The following CARMIL3 variants were observed in gnomAD, a reference collection of about 807,000 sequenced individuals.
The protein encoded by CARMIL3 is capping protein, Arp2/3 and myosin-I linker protein 3.
In CARMIL3, 88 loss-of-function variants were observed where a neutral mutation model predicts 180.8. The ratio of observed to expected loss-of-function variants is 0.49; its 90% CI spans 0.41 to 0.58. CARMIL3 has a LOEUF of 0.58. CARMIL3 is among the 20% of genes least tolerant of loss of function. The pLI, the probability that CARMIL3 is intolerant of heterozygous loss-of-function variation, is 0.00. For missense variants in CARMIL3, 1,548 were observed against 1,787.0 expected, an observed-to-expected ratio of 0.87 and a Z score of 2.41; for synonymous variants, 696 against 714.5, an observed-to-expected ratio of 0.97 and a Z score of 0.41.
intron 39 of CARMIL3, 50 bp downstream of exon 39, chr14:24,069,297 A>G (rs764326749): frequency 2.2e-5 from 35 of 1,612,606 alleles, no homozygotes; most frequent in Non-Finnish European, 2.8e-5. Flanking sequence ...TCTGTCCAAC[A>G]TGACACCCCC....
rs755786621 is a variant in CARMIL3, at chr14:24,053,877, G to A, written c.135+74G>A. ...GCTGGCCAGTAGAGGGCAGGGAGCC[G>A]GGAGGACAGAAGAGACAGAAGTGGG... On this transcript the variant is annotated intron_variant, in intron 2 of 39. Transcript: ENST00000342740. 1.0e-4 allele frequency: 144 copies of A among 1,372,018 alleles called. 1 individual carries two copies. Among genetic ancestry groups the A allele is most frequent in the Middle Eastern group, 2.1e-4 (1 of 4,666 alleles). 85.0% of individuals were successfully genotyped at this position (1,372,018 alleles called of 1,614,324 possible).
chr14:24,060,027 C>T lies in CARMIL3; in HGVS notation c.1926C>T (p.Arg642=). 6.2e-7 allele frequency: 1 copy of T among 1,614,028 alleles called. No homozygotes were observed. Residue 642 remains arginine (R), a synonymous_variant, in exon 23 of 40, where the codon CGC becomes CGT. Coordinates refer to ENST00000342740, the MANE Select transcript of CARMIL3 (RefSeq NM_138360.4). ...TGAGCGACATCTCCCAAGCCTATCGCAGCGCGCCTGAGCGCACCGAGGACG... is the reference window on the plus strand; with the variant it reads ...TGAGCGACATCTCCCAAGCCTATCGTAGCGCGCCTGAGCGCACCGAGGACG... ...FPVSDISQAY[R]SAPERTEDVW...
In CARMIL3 at chr14:24,054,057, A is replaced by G; in HGVS notation, c.136-31A>G. On this transcript the variant is annotated intron_variant, in intron 2 of 39. Transcript: ENST00000342740. The surrounding 1 kb of genome is among the most constrained non-coding windows in gnomAD (Gnocchi z 5.1). ...GGGCCACCAAGGCCCAGCAGCTGCC[A>G]TGAGCTGCCGATTTTTTCCTCTCTC... The G allele has an allele frequency of 6.2e-7, 1 of 1,611,928 alleles. No individual in the cohort carries two copies. The highest frequency in any genetic ancestry group is 8.5e-7 in the Non-Finnish European group (1 of 1,179,352).
In CARMIL3 at chr14:24,063,110, A is replaced by T; in HGVS notation, c.2707-10A>T. On this transcript the variant is annotated splice_polypyrimidine_tract_variant and intron_variant, in intron 29 of 39. Coordinates refer to ENST00000342740, the MANE Select transcript of CARMIL3 (RefSeq NM_138360.4). ...GTGCCTGGCCCTGCCACTCGTCTTC[A>T]TTTCTGCAGGACACCATGGCCATCA... 1 of 1,610,348 alleles carries T rather than the reference A, an allele frequency of 6.2e-7. No individual in the cohort carries two copies.
Position 24,062,811 on chromosome 14 carries a change from G to A in CARMIL3, c.2671G>A (p.Glu891Lys), listed in dbSNP as rs753701847. ...GGGCCGAGGCCGGAACCATGACCAT[G>A]AGGAGACCACAGATGATGAACTTGG... ...SRGRGRNHDHEETTDDELGTN... is the reference protein window; with the variant it reads ...SRGRGRNHDHKETTDDELGTN... Residue 891 changes from glutamate (E) to lysine (K), a missense_variant, in exon 29 of 40, where the codon GAG (glutamate) becomes AAG (lysine). Transcript: ENST00000342740. The A allele has an allele frequency of 3.1e-6, 5 of 1,613,198 alleles. No homozygotes were observed. Among genetic ancestry groups the A allele is most frequent in the East Asian group, 2.2e-5 (1 of 44,878 alleles).
Position 24,069,362 on chromosome 14 carries a change from G to A in CARMIL3, c.4094-17G>A, listed in dbSNP as rs767471159. The A allele has an allele frequency of 3.1e-6, 5 of 1,614,140 alleles. No individual in the cohort carries two copies. Among genetic ancestry groups the A allele is most frequent in the South Asian group, 1.1e-5 (1 of 91,082 alleles). ...CCCTGCCCAGGAAACAGGGCTCCCT[G>A]GATTTGTCCCCAGCAGGAACCAGTG... is the stretch of plus-strand genomic sequence containing the variant. On this transcript the variant is annotated splice_polypyrimidine_tract_variant and intron_variant, in intron 39 of 39. Coordinates refer to ENST00000342740, the MANE Select transcript of CARMIL3 (RefSeq NM_138360.4).
chr14:24,055,024 T>A (rs1209719113), intron 6 of CARMIL3, 42 bp from the exon 7 acceptor site: 2 of 1,603,462 alleles, frequency 1.2e-6, no homozygotes, highest in Non-Finnish European at 1.7e-6. Context: ...CTATTCCCCA[T>A]CTCCTTACCC....
At position 24,069,229 on chromosome 14, in the gene CARMIL3, C is replaced by T. The variant is rs139310553; in HGVS notation, c.4075C>T (p.Arg1359Trp). ...SCDKLEPDRRRPPDPTGTSEP... is the reference protein window; with the variant it reads ...SCDKLEPDRRWPPDPTGTSEP... ...TGACAAGCTGGAACCTGATAGAAGA[C>T]GGCCTCCTGACCCCACAGGTGCTGG... The change falls in exon 39 of 40, where the codon CGG becomes TGG. Residue 1359 changes from arginine (R) to tryptophan (W), a missense_variant. Coordinates refer to ENST00000342740, the MANE Select transcript of CARMIL3 (RefSeq NM_138360.4). 2.1e-4 allele frequency: 341 copies of T among 1,614,068 alleles called. 1 individual carries two copies. The highest frequency in any genetic ancestry group is 6.6e-4 in the Middle Eastern group (4 of 6,060).
chr14:24,066,443 C>T lies in CARMIL3; in HGVS notation c.3571C>T (p.Arg1191Trp), dbSNP rs756011079. 15 of 1,614,104 alleles carry T rather than the reference C, an allele frequency of 9.3e-6. No individual in the cohort carries two copies. The highest frequency in any genetic ancestry group is 4.5e-5 in the East Asian group (2 of 44,904). The change falls in exon 35 of 40, where the codon CGG becomes TGG. Residue 1191 changes from arginine (R) to tryptophan (W), a missense_variant. Physicochemically the swap from Arg to Trp is moderately radical, Grantham distance 101. Around this residue, in one of 4 missense-constraint regions of CARMIL3, gnomAD observed 668 missense variants for 687.8 expected, o/e 0.97. Coordinates refer to ENST00000342740, the MANE Select transcript of CARMIL3 (RefSeq NM_138360.4). Reference protein sequence around the residue: ...QEGSTQAWQKRRSSDDAGPGS... With the variant: ...QEGSTQAWQKWRSSDDAGPGS... Reference sequence around the variant, plus strand: ...GGGCAGCACCCAGGCCTGGCAGAAACGGCGCTCTTCAGACGACGCAGGTAA... The same window carrying T: ...GGGCAGCACCCAGGCCTGGCAGAAATGGCGCTCTTCAGACGACGCAGGTAA...
chr14:24,056,590 T>C, intron 11 of CARMIL3, 32 bp from the exon 12 acceptor site: 1 of 1,607,456 alleles, frequency 6.2e-7, no homozygotes. Flanking sequence ...GCCCTGCCCC[T>C]CACTGGGCCC....
chr14:24,065,219 C>T lies in CARMIL3; in HGVS notation c.3342C>T (p.Ser1114=). The part of the protein sequence containing the change: ...SSPCWSPEEE[S]SLLPGFGGGR... ...CCTGCTGGAGCCCAGAGGAGGAGAGCAGCCTCCTCCCTGGATTTGGTGGGG... is the reference window on the plus strand; with the variant it reads ...CCTGCTGGAGCCCAGAGGAGGAGAGTAGCCTCCTCCCTGGATTTGGTGGGG... Residue 1114 remains serine (S), a synonymous_variant, in exon 33 of 40, where the codon AGC becomes AGT. Coordinates refer to ENST00000342740, the MANE Select transcript of CARMIL3 (RefSeq NM_138360.4). The T allele has an allele frequency of 6.4e-7, 1 of 1,553,026 alleles. No individual in the cohort carries two copies. The highest frequency in any genetic ancestry group is 1.3e-5 in the South Asian group (1 of 79,468).
Position 24,066,667 on chromosome 14 carries a change from C to A in CARMIL3, c.3682+11C>A. ...CCACATGGCACATAGGTATGGAAAG[C>A]CTCTTTTCAGGCAGCAGTACTGAAA... On this transcript the variant is annotated intron_variant, in intron 36 of 39. Transcript: ENST00000342740. The A allele has an allele frequency of 6.2e-7, 1 of 1,613,182 alleles. No individual in the cohort carries two copies. Among genetic ancestry groups the A allele is most frequent in the African/African-American group, 1.3e-5 (1 of 75,044 alleles).
At chr14:24,062,595 G>A (rs1449819493) in intron 28 of CARMIL3, 28 bp downstream of exon 28, 1 of 1,613,656 alleles carries the variant, frequency 6.2e-7, no homozygotes, top group East Asian at 2.2e-5. Context: ...GCCTGGCCTG[G>A]CTCGGGCACG....
chr14:24,056,899 T>G lies in CARMIL3; in HGVS notation c.953-16T>G. On this transcript the variant is annotated splice_polypyrimidine_tract_variant and intron_variant, in intron 12 of 39. Coordinates refer to ENST00000342740, the MANE Select transcript of CARMIL3 (RefSeq NM_138360.4). ...GGGGCTAGGGGCCAACCCAGCCCAG[T>G]GCCCGCTGTGCTCAGGGCTCCAGGC... The G allele has an allele frequency of 1.2e-6, 2 of 1,612,080 alleles. No homozygotes were observed. The highest frequency in any genetic ancestry group is 1.7e-6 in the Non-Finnish European group (2 of 1,178,428).
Position 24,054,369 on chromosome 14 carries a change from G to A in CARMIL3, c.247-27G>A. On this transcript the variant is annotated intron_variant, in intron 4 of 39. Transcript: ENST00000342740. This position sits in a 1 kb window ranked among gnomAD's most constrained non-coding sequence, Gnocchi z 5.1. ...GGAGGGAGCAGAGAGGAGGGAGTCT[G>A]AGGCTCTGACGCTTCGTCTCCCCCA... The A allele has an allele frequency of 6.2e-7, 1 of 1,613,800 alleles. No individual in the cohort carries two copies. The highest frequency in any genetic ancestry group is 8.5e-7 in the Non-Finnish European group (1 of 1,179,702).
Position 24,069,726 on chromosome 14 carries a change from C to G in CARMIL3, c.*322C>G. 2.8e-6 allele frequency: 1 copy of G among 361,230 alleles called. No individual in the cohort carries two copies. The highest frequency in any genetic ancestry group is 5.0e-6 in the Non-Finnish European group (1 of 198,228). 22.4% of individuals were successfully genotyped at this position (361,230 alleles called of 1,614,324 possible). On this transcript the variant is annotated 3_prime_UTR_variant, in exon 40 of 40. Transcript: ENST00000342740. ...CTTGTATAGAATAAAAAAACAAAATCATCGCCTGCCTCGAGTCTCTGCTAT... is the reference window on the plus strand; with the variant it reads ...CTTGTATAGAATAAAAAAACAAAATGATCGCCTGCCTCGAGTCTCTGCTAT...
chr14:24,058,114 G>T lies in CARMIL3; in HGVS notation c.1323-41G>T. ...CGCATCCAAGGGAACCACGGGGAGC[G>T]GGAAGAGGTAAAGGAGGGCCTGCTG... is the stretch of plus-strand genomic sequence containing the variant. On this transcript the variant is annotated intron_variant, in intron 16 of 39. Coordinates refer to ENST00000342740, the MANE Select transcript of CARMIL3 (RefSeq NM_138360.4). This position sits in a 1 kb window ranked among gnomAD's most constrained non-coding sequence, Gnocchi z 6.4. The T allele has an allele frequency of 1.2e-6, 2 of 1,613,722 alleles. No homozygotes were observed. Among genetic ancestry groups the T allele is most frequent in the Non-Finnish European group, 1.7e-6 (2 of 1,179,964 alleles).
Position 24,058,249 on chromosome 14 carries a change from C to T in CARMIL3, c.1392+25C>T, listed in dbSNP as rs753802086. On this transcript the variant is annotated intron_variant, in intron 17 of 39. Coordinates refer to ENST00000342740, the MANE Select transcript of CARMIL3 (RefSeq NM_138360.4). The surrounding 1 kb of genome is among the most constrained non-coding windows in gnomAD (Gnocchi z 6.4). ...GGTGAGCCCTCAGTCCCCAACCCCT[C>T]TGCCCGCCTCCGATCCATGTGCATT... is the stretch of plus-strand genomic sequence containing the variant. 13 of 1,606,236 alleles carry T rather than the reference C, an allele frequency of 8.1e-6. No individual in the cohort carries two copies. Among genetic ancestry groups the T allele is most frequent in the Admixed American group, 1.7e-5 (1 of 59,154 alleles).
At chr14:24,055,827 T>A in intron 10 of CARMIL3, 38 bp downstream of exon 10, 1 of 1,582,474 alleles carries the variant, frequency 6.3e-7, no homozygotes, top group Non-Finnish European at 8.7e-7. Context: ...AGTGCACCCT[T>A]GATGTAGTTT....
Sources: gnomAD v4.1 joint callset for allele counts on GRCh38, gnomAD v4.1.1 for gene constraint, gnomAD v4.1.1 regional missense constraint, Gnocchi (gnomAD v3.1) non-coding constraint, MANE v1.5 for transcripts, NCBI Gene and HGNC (gene_info 2026-07-23, HGNC 2026-07-21) for gene names.